Variants in ZFYVE26 observed in about 807,000 individuals in gnomAD.
ZFYVE26 encodes zinc finger FYVE-type containing 26.
A neutral mutation model predicts 276.5 loss-of-function variants in ZFYVE26; 181 were observed. That is an observed-to-expected ratio of 0.65 (90% CI 0.58 to 0.74). The LOEUF (loss-of-function observed/expected upper bound fraction) is 0.74, where lower values mean the gene tolerates loss of function less well. Among genes scored for constraint, ZFYVE26 ranks in the 30% least tolerant of loss-of-function variants. The pLI, the probability that ZFYVE26 is intolerant of heterozygous loss-of-function variation, is 0.00. For missense variants in ZFYVE26, 2,821 were observed against 3,097.9 expected (o/e 0.91, Z 2.12); for synonymous variants, 1,129 against 1,203.1 (o/e 0.94, Z 1.27).
chr14:67,764,524 T>C (rs575518613), intron 32 of ZFYVE26, among the ~76,000 whole-genome samples: 8 of 152,232 alleles, frequency 5.3e-5, no homozygotes, highest in Non-Finnish European at 1.2e-4. Flanking sequence ...CAGCTGAGTT[T>C]TGTTTTTAAG....
rs767356910 is a variant in ZFYVE26, at chr14:67,807,378, C to A, written c.886+20G>T. On this transcript the variant is annotated intron_variant, in intron 5 of 41. Coordinates refer to ENST00000347230, the MANE Select transcript of ZFYVE26 (RefSeq NM_015346.4). ...ACTGGAATTACTGAAACTAAAGGAG[C>A]AGCAGCAAAGGGAACACACCTTTTC... is the stretch of plus-strand genomic sequence containing the variant. The A allele has an allele frequency of 2.5e-6, 4 of 1,613,872 alleles. No homozygotes were observed. In the Admixed American group the frequency reaches 6.7e-5, roughly 27 times the overall value.
In ZFYVE26 at chr14:67,781,341, A is replaced by G. The variant is rs772278206; in HGVS notation, c.4561T>C (p.Tyr1521His). 1.9e-5 allele frequency: 30 copies of G among 1,614,118 alleles called. No homozygotes were observed. In the Middle Eastern group the frequency reaches 4.9e-4, roughly 27 times the overall value. ...LQRKLAELQVYQKILGLQSPP... is the reference protein window; with the variant it reads ...LQRKLAELQVHQKILGLQSPP... ...GATGCGAGGGCCCATACCTTCTGAT[A>G]CACCTGCAGCTCCGCCAGCTTCCTC... The change falls in exon 22 of 42, where the codon TAT (tyrosine) becomes CAT (histidine). Residue 1521 changes from tyrosine (Y) to histidine (H), a missense_variant. Tyr to His is a moderately conservative substitution (Grantham distance 83). Coordinates refer to ENST00000347230, the MANE Select transcript of ZFYVE26 (RefSeq NM_015346.4).
rs1173192005 is a variant in ZFYVE26 at position 67,755,246 on chromosome 14, T to C, written c.6791A>G (p.Gln2264Arg). ...AATACAGGTCATGGCGGCCCGAACT[T>C]GGTCCTAGAAGAGGAAAATAAATGT... is the stretch of plus-strand genomic sequence containing the variant. ...LYELQQFMKD[Q>R]VRAAMTCIRF... is the part of the protein sequence containing the mutation. The change falls in exon 37 of 42, where the codon CAA (glutamine) becomes CGA (arginine). Residue 2264 changes from glutamine to arginine, a missense_variant. Coordinates refer to ENST00000347230, the MANE Select transcript of ZFYVE26 (RefSeq NM_015346.4). The C allele has an allele frequency of 1.9e-6, 3 of 1,614,198 alleles. No homozygotes were observed. Among genetic ancestry groups the C allele is most frequent in the Middle Eastern group, 3.3e-4 (2 of 6,062 alleles).
chr14:67,731,207 CTTTTTT>C lies in ZFYVE26; in HGVS notation n.2680-1394_2680-1389del, dbSNP rs71129853. Among the ~76,000 whole-genome samples the C allele has an allele frequency of 8.8e-5, 8 of 90,614 alleles. No homozygotes were observed. In the South Asian group the frequency reaches 3.7e-3, roughly 42 times the overall value. The allele number at this position is 90,614 out of a possible 152,430, so 59.4% of individuals were successfully genotyped here. A position where few individuals can be genotyped will look rare whatever the true frequency, so the allele number is the denominator to read the frequency against. ...TGTTTCTCATCATATTTCTTTCTTT[CTTTTTT>C]TTTTTTTTTTTTTTTTTTGGAGACA... is the stretch of plus-strand genomic sequence containing the variant. On this transcript the variant is annotated intron_variant and non_coding_transcript_variant, in intron 13 of 14. Transcript: ENST00000394455.
intron 15 of ZFYVE26, among the ~76,000 whole-genome samples, chr14:67,790,259 TC>T (rs757070371): frequency 3.9e-5 from 6 of 152,204 alleles, no homozygotes; most frequent in Non-Finnish European, 8.8e-5. Context: ...GGAAATAAAC[TC>T]CTAACCATTT....
chr14:67,816,008 C>T lies in ZFYVE26; in HGVS notation c.-45G>A. The T allele has an allele frequency of 6.7e-7, 1 of 1,497,062 alleles. No homozygotes were observed. Among genetic ancestry groups the T allele is most frequent in the Non-Finnish European group, 9.1e-7 (1 of 1,100,820 alleles). The allele number at this position is 1,497,062 out of a possible 1,614,324, so 92.7% of individuals were successfully genotyped here. ...GGGAGATACAAAGAAATGAGTTATG[C>T]CGAACACATTCTCAATGTTCTCATT... On this transcript the variant is annotated 5_prime_UTR_variant, in exon 2 of 42. Coordinates refer to ENST00000347230, the MANE Select transcript of ZFYVE26 (RefSeq NM_015346.4).
chr14:67,767,614 C>G, intron 31 of ZFYVE26, 90 bp downstream of exon 31: 1 of 1,547,866 alleles, frequency 6.5e-7, no homozygotes, highest in Non-Finnish European at 8.9e-7. Context: ...CAAGTAAAGG[C>G]CAGGTGTGTT....
intron 40 of ZFYVE26, chr14:67,751,365 G>T (rs1483221225): frequency 1.9e-6 from 1 of 534,980 alleles, no homozygotes; most frequent in Non-Finnish European, 3.4e-6. Context: ...AGGCAACCTG[G>T]TGGTCCCCTG....
intron 23 of ZFYVE26, 197 bp from the exon 24 acceptor site, chr14:67,778,445 G>A (rs768690208): frequency 5.5e-5 from 34 of 614,996 alleles, no homozygotes; most frequent in Non-Finnish European, 9.3e-5. Flanking sequence ...ATGACATGTG[G>A]CAACAGACAC....
intron 4 of ZFYVE26, among the ~76,000 whole-genome samples, chr14:67,808,745 T>C (rs868067545): frequency 2.6e-5 from 4 of 151,980 alleles, no homozygotes; most frequent in African/African-American, 4.8e-5. Context: ...TTAACTGGTG[T>C]CAGGGTCATT....
rs2039396666 is a variant in ZFYVE26 at position 67,778,110 on chromosome 14, A to G, written c.4797+16T>C. ...GTCCCACCCCAGAAGAAAAATGGAA[A>G]GAACTGGGGGCTTACTTGCAGAGCC... is the stretch of plus-strand genomic sequence containing the variant. On this transcript the variant is annotated intron_variant, in intron 24 of 41. Coordinates refer to ENST00000347230, the MANE Select transcript of ZFYVE26 (RefSeq NM_015346.4). 5 of 1,614,062 alleles carry G rather than the reference A, an allele frequency of 3.1e-6. No individual in the cohort carries two copies. Among genetic ancestry groups the G allele is most frequent in the African/African-American group, 1.3e-5 (1 of 74,936 alleles).
chr14:67,814,081 GA>G lies in ZFYVE26; in HGVS notation c.195-18del. On this transcript the variant is annotated intron_variant, in intron 2 of 41. Transcript: ENST00000347230. ...TGCCCACATCTGAAAAAGGTAAAAA[GA>G]AAGACTTGTAAAAAAGAGTTTCTAC... 1 of 1,601,060 alleles carries G rather than the reference GA, an allele frequency of 6.2e-7. No homozygotes were observed. Among genetic ancestry groups the G allele is most frequent in the Non-Finnish European group, 8.6e-7 (1 of 1,168,728 alleles).
Position 67,772,055 on chromosome 14 carries a change from A to C in ZFYVE26, c.5476T>G (p.Phe1826Val), listed in dbSNP as rs1361239331. 6.2e-7 allele frequency: 1 copy of C among 1,611,006 alleles called. No homozygotes were observed. Among genetic ancestry groups the C allele is most frequent in the Non-Finnish European group, 8.5e-7 (1 of 1,179,436 alleles). ...SICMVCCREH[F>V]TMFNRRHHCR... Reference sequence around the variant, plus strand: ...AGACCGATGCTGCTTACCATGGTGAAGTGCTCCCTGCAGCAGACCATGCAG... The same window carrying C: ...AGACCGATGCTGCTTACCATGGTGACGTGCTCCCTGCAGCAGACCATGCAG... Residue 1826 changes from phenylalanine to valine, a missense_variant, in exon 28 of 42, where the codon TTC (phenylalanine) becomes GTC (valine). Coordinates refer to ENST00000347230, the MANE Select transcript of ZFYVE26 (RefSeq NM_015346.4).
intron 39 of ZFYVE26, 61 bp from the exon 40 acceptor site, chr14:67,752,587 G>C: frequency 3.8e-6 from 6 of 1,567,684 alleles, no homozygotes; most frequent in Non-Finnish European, 4.4e-6. Context: ...GGGGAGGGAG[G>C]CAGCATTTAA....
At chr14:67,778,300 T>A (rs773388346) in intron 23 of ZFYVE26, 52 bp from the exon 24 acceptor site, 2 of 1,612,224 alleles carry the variant, frequency 1.2e-6, no homozygotes, top group East Asian at 4.5e-5. Flanking sequence ...GCCTGATTCT[T>A]CTCAGCAGTC....
chr14:67,743,264 G>A (rs891883848), downstream of ZFYVE26, among the ~76,000 whole-genome samples: 3 of 152,080 alleles, frequency 2.0e-5, no homozygotes, highest in Admixed American at 1.3e-4. Flanking sequence ...AAGATGGGCC[G>A]ATTGCTTGAG....
intron 24 of ZFYVE26, 52 bp from the exon 25 acceptor site, chr14:67,777,787 A>G (rs1169722632): frequency 1.2e-6 from 2 of 1,602,802 alleles, no homozygotes; most frequent in Admixed American, 3.3e-5. Flanking sequence ...GAGCTCTTAG[A>G]CCAGCTTTGT....
At chr14:67,728,985 A>G (rs980230795) in intron 14 of ZFYVE26, among the ~76,000 whole-genome samples, 5 of 152,210 alleles carry the variant, frequency 3.3e-5, no homozygotes, top group African/African-American at 1.2e-4. Flanking sequence ...CTTTTGGAAC[A>G]TAGAAGGCTG....
Position 67,772,464 on chromosome 14 carries a change from G to T in ZFYVE26, c.5321-254C>A, listed in dbSNP as rs192201319. Among the ~76,000 whole-genome samples the T allele has an allele frequency of 2.0e-5, 3 of 152,318 alleles. No individual in the cohort carries two copies. The East Asian group carries it at 5.8e-4, about 29-fold the overall frequency. On this transcript the variant is annotated intron_variant, in intron 27 of 41. Coordinates refer to ENST00000347230, the MANE Select transcript of ZFYVE26 (RefSeq NM_015346.4). ...AAGCCTGAATCAAGTCCAGCTTCTA[G>T]ACCTAACTACAAGTGTCCTGGAAAT... is the stretch of plus-strand genomic sequence containing the variant.
Sources: gnomAD v4.1 joint callset for allele counts (sites outside exome capture counted in the v4.1 genomes callset) on GRCh38, gnomAD v4.1.1 for gene constraint, MANE v1.5 for transcripts, NCBI Gene and HGNC (gene_info 2026-07-23, HGNC 2026-07-21) for gene names.